Variants in SNAP25 observed in about 807,000 individuals in gnomAD.
SNAP25 encodes synaptosomal-associated protein 25.
SNAP25 carries 3 observed loss-of-function variants against 28.7 expected under a neutral mutation model. The observed-to-expected ratio is 0.10, with a 90% confidence interval of 0.05 to 0.27. The LOEUF (loss-of-function observed/expected upper bound fraction) is 0.27. SNAP25 is among the 10% of genes least tolerant of loss of function. The pLI, the probability that SNAP25 is intolerant of heterozygous loss-of-function variation, is 1.00. For missense variants in SNAP25, 117 were observed against 278.7 expected, an observed-to-expected ratio of 0.42 and a Z score of 4.13; for synonymous variants, 61 against 88.1, an observed-to-expected ratio of 0.69 and a Z score of 1.72.
At chr20:10,230,540 C>A (rs1178689832) in intron 1 of SNAP25, among the ~76,000 whole-genome samples, 2 of 152,120 alleles carry the variant, frequency 1.3e-5, no homozygotes, top group East Asian at 1.9e-4. Context: ...AAATGCAATT[C>A]CCAGGCCCCA....
intron 1 of SNAP25, among the ~76,000 whole-genome samples, chr20:10,227,598 G>A (rs2062756697): frequency 6.6e-6 from 1 of 152,020 alleles, no homozygotes; most frequent in Non-Finnish European, 1.5e-5. Flanking sequence ...TATGGCAAAT[G>A]GTATAATATT....
chr20:10,269,668 C>T (rs1282207198), intron 1 of SNAP25, among the ~76,000 whole-genome samples: 1 of 152,172 alleles, frequency 6.6e-6, no homozygotes, highest in Non-Finnish European at 1.5e-5. Flanking sequence ...GGCATATAGT[C>T]TTTCCACTCA....
At chr20:10,306,024 GTTT>G (rs2064351031) in intron 7 of SNAP25, 102 bp from the exon 8 acceptor site, 1 of 975,718 alleles carries the variant, frequency 1.0e-6, no homozygotes, top group South Asian at 1.4e-5. Flanking sequence ...GACCAAGGAG[GTTT>G]TAAGTGGTTT....
intron 7 of SNAP25, among the ~76,000 whole-genome samples, chr20:10,300,110 C>T (rs139037417): frequency 1.2e-3 from 187 of 150,464 alleles, no homozygotes; most frequent in African/African-American, 4.6e-3. Context: ...TGAGTTTACA[C>T]AAGGACACCA....
chr20:10,243,375 C>A (rs1364193893), intron 1 of SNAP25, among the ~76,000 whole-genome samples: 4 of 152,188 alleles, frequency 2.6e-5, no homozygotes, highest in Non-Finnish European at 4.4e-5. Context: ...TATTAATCGA[C>A]CTCCAGACTT....
At chr20:10,258,091 G>A (rs543364498) in intron 1 of SNAP25, among the ~76,000 whole-genome samples, 14 of 152,096 alleles carry the variant, frequency 9.2e-5, no homozygotes, top group East Asian at 5.8e-4. Flanking sequence ...TTTCTTTGAC[G>A]TACTATTAAC....
intron 1 of SNAP25, among the ~76,000 whole-genome samples, chr20:10,236,953 A>AAAATAAATAAAT (rs770867761): frequency 3.5e-4 from 39 of 111,574 alleles, no homozygotes; most frequent in African/African-American, 1.0e-3. Context: ...CCTCCAAAGG[A>AAAATAAATAAAT]AAATACATAA....
chr20:10,249,610 A>C (rs1237340633), intron 1 of SNAP25, among the ~76,000 whole-genome samples: 2 of 152,066 alleles, frequency 1.3e-5, no homozygotes, highest in Non-Finnish European at 2.9e-5. Flanking sequence ...ACCAGCTTGG[A>C]GCTCTCTGGG....
Position 10,233,136 on chromosome 20 carries a change from T to C in SNAP25, c.-64+14159T>C, listed in dbSNP as rs916036723. On this transcript the variant is annotated intron_variant, in intron 1 of 7. Coordinates refer to ENST00000254976, the MANE Select transcript of SNAP25 (RefSeq NM_130811.4). ...GGGATAACTGGTCCTCTGGTTCACG[T>C]CTTTCCTCCTCTGGCTCATTTTGCC... 2.0e-5 allele frequency among the ~76,000 whole-genome samples: 3 copies of C among 152,148 alleles called. No homozygotes were observed. The East Asian group carries it at 5.8e-4, about 29-fold the overall frequency.
intron 1 of SNAP25, among the ~76,000 whole-genome samples, chr20:10,238,936 A>G (rs2062973388): frequency 1.3e-5 from 2 of 152,014 alleles, no homozygotes; most frequent in South Asian, 4.1e-4. Flanking sequence ...TAATATCAAT[A>G]AAGCATCAAT....
chr20:10,280,609 C>T (rs544505772), intron 3 of SNAP25, among the ~76,000 whole-genome samples: 1 of 152,022 alleles, frequency 6.6e-6, no homozygotes, highest in South Asian at 2.1e-4. Flanking sequence ...GTATTTAATT[C>T]CAGGAAAAAA....
At chr20:10,235,655 A>G (rs1037244635) in intron 1 of SNAP25, among the ~76,000 whole-genome samples, 1 of 152,108 alleles carries the variant, frequency 6.6e-6, no homozygotes, top group African/African-American at 2.4e-5. Context: ...AACAGCAACC[A>G]TTTCTTATTG....
intron 1 of SNAP25, among the ~76,000 whole-genome samples, chr20:10,230,316 G>C (rs2062806823): frequency 6.6e-6 from 1 of 152,162 alleles, no homozygotes; most frequent in Admixed American, 6.5e-5. Flanking sequence ...AAAGAACGGA[G>C]AGTCCCATTT....
intron 7 of SNAP25, among the ~76,000 whole-genome samples, chr20:10,300,674 G>A (rs1262427904): frequency 6.6e-6 from 1 of 152,150 alleles, no homozygotes; most frequent in African/African-American, 2.4e-5. Flanking sequence ...CTGTTGTGTT[G>A]TACATACTCC....
chr20:10,224,571 T>A (rs149654834), intron 1 of SNAP25, among the ~76,000 whole-genome samples: 1 of 152,102 alleles, frequency 6.6e-6, no homozygotes, highest in African/African-American at 2.4e-5. Context: ...ACCGATGGCC[T>A]CAGCTGGCAT....
intron 6 of SNAP25, among the ~76,000 whole-genome samples, chr20:10,298,587 TCA>T (rs1365939968): frequency 6.6e-6 from 1 of 152,222 alleles, no homozygotes; most frequent in Non-Finnish European, 1.5e-5. Flanking sequence ...TGTCACAGTT[TCA>T]CAGTTTTTGA....
chr20:10,296,927 T>G lies in SNAP25; in HGVS notation c.284T>G (p.Leu95Arg). The part of the protein sequence containing the change: ...CGLCVCPCNK[L>R]KSSDAYKKAW... ...CACTCACCCTCTCTTTTGCATAGGC[T>G]TAAATCAAGTGATGCTTACAAAAAA... The change falls in exon 6 of 8, where the codon CTT (leucine) becomes CGT (arginine). Residue 95 changes from leucine (L) to arginine (R), a missense_variant and splice_region_variant. Transcript: ENST00000254976. 28 of 1,614,188 alleles carry G rather than the reference T, an allele frequency of 1.7e-5. No individual in the cohort carries two copies. Among genetic ancestry groups the G allele is most frequent in the Non-Finnish European group, 2.4e-5 (28 of 1,180,012 alleles).
At chr20:10,220,346 CAG>C (rs1333359842) in intron 1 of SNAP25, among the ~76,000 whole-genome samples, 1 of 152,188 alleles carries the variant, frequency 6.6e-6, no homozygotes, top group Admixed American at 6.5e-5. Context: ...GCCACGGTTT[CAG>C]AGTTACTGGA....
At chr20:10,221,856 T>A (rs1442346824) in intron 1 of SNAP25, among the ~76,000 whole-genome samples, 2 of 152,206 alleles carry the variant, frequency 1.3e-5, no homozygotes, top group Non-Finnish European at 2.9e-5. Context: ...ACACGTAGGT[T>A]TTGACGATTA....
Sources: gnomAD v4.1 joint callset for allele counts (sites outside exome capture counted in the v4.1 genomes callset) on GRCh38, gnomAD v4.1.1 for gene constraint, MANE v1.5 for transcripts, NCBI Gene and HGNC (gene_info 2026-07-23, HGNC 2026-07-21) for gene names.